ARMC2: variants seen among roughly 807,000 people sequenced by gnomAD.
ARMC2 encodes the protein armadillo repeat containing 2, also known as armadillo repeat-containing protein 2.
ARMC2 carries 67 observed loss-of-function variants against 90.3 expected under a neutral mutation model. That is an observed-to-expected ratio of 0.74 (90% CI 0.61 to 0.91). The LOEUF (loss-of-function observed/expected upper bound fraction) is 0.91. Ranked by LOEUF, ARMC2 falls within the 40% of genes least tolerant of loss-of-function variation. ARMC2 has a pLI of 0.00. For synonymous variants in ARMC2, 393 were observed against 393.0 expected (o/e 1.00, Z 0.00); for missense variants, 920 against 1,030.9 (o/e 0.89, Z 1.47).
intron 10 of ARMC2, among the ~76,000 whole-genome samples, chr6:108,926,901 ATGTACACATTTATT>A (rs1286792831): frequency 4.0e-5 from 6 of 148,316 alleles, no homozygotes; most frequent in African/African-American, 1.5e-4. Context: ...TACAAAAGAC[ATGTACACATTTATT>A]TGAAGCTTTT....
intron 10 of ARMC2, among the ~76,000 whole-genome samples, chr6:108,924,834 G>T (rs1230246339): frequency 2.0e-5 from 3 of 152,178 alleles, no homozygotes; most frequent in African/African-American, 7.2e-5. Context: ...TGTGGAAGGA[G>T]CCCATCCAGG....
the ARMC2 span, among the ~76,000 whole-genome samples, chr6:109,051,831 C>A: frequency 6.6e-6 from 1 of 152,204 alleles, no homozygotes; most frequent in Admixed American, 6.5e-5. Flanking sequence ...TATCTCCTTA[C>A]ATGACAGAAG....
At chr6:108,998,660 TG>T in the ARMC2 span, 2 of 1,613,788 alleles carry the variant, frequency 1.2e-6, no homozygotes, top group Non-Finnish European at 1.7e-6. Flanking sequence ...CACAGCCGAA[TG>T]TGAATGAGGC....
intron 10 of ARMC2, among the ~76,000 whole-genome samples, chr6:108,926,121 A>G (rs940914585): frequency 6.6e-6 from 1 of 152,152 alleles, no homozygotes; most frequent in Non-Finnish European, 1.5e-5. Context: ...CGTGAAGATG[A>G]CTATGGATTG....
intron 3 of ARMC2, among the ~76,000 whole-genome samples, chr6:108,862,043 G>C (rs1486919462): frequency 6.6e-6 from 1 of 152,064 alleles, no homozygotes; most frequent in Non-Finnish European, 1.5e-5. Context: ...TGGGTGCTAT[G>C]TTCACAGTAA....
rs1167801417 is a variant in ARMC2 at position 108,950,976 on chromosome 6, A to G, written c.1597-2057A>G. 2.6e-5 allele frequency among the ~76,000 whole-genome samples: 4 copies of G among 152,278 alleles called. 1 individual carries two copies. The South Asian group carries it at 6.2e-4, about 24-fold the overall frequency. The stretch of plus-strand genomic sequence containing the variant: ...GGCCTGTGCCACTGAGTTTATTGCT[A>G]TTAGTTAGCATTTTATTGATAGGAC... On this transcript the variant is annotated intron_variant, in intron 12 of 17. Transcript: ENST00000392644.
intron 12 of ARMC2, among the ~76,000 whole-genome samples, chr6:108,946,672 TA>T (rs1776831852): frequency 6.6e-6 from 1 of 152,226 alleles, no homozygotes; most frequent in African/African-American, 2.4e-5. Flanking sequence ...ATTTTCTGGT[TA>T]ATAGAGAGTT....
At chr6:109,040,314 A>C in the ARMC2 span, among the ~76,000 whole-genome samples, 1 of 151,114 alleles carries the variant, frequency 6.6e-6, no homozygotes. Flanking sequence ...CAAATTATGC[A>C]GAAAAGTATT....
chr6:108,945,183 G>A (rs747285143), intron 12 of ARMC2, among the ~76,000 whole-genome samples: 20 of 152,034 alleles, frequency 1.3e-4, no homozygotes, highest in Admixed American at 3.9e-4. Context: ...GCTTAATAAC[G>A]AAGGAGGGAG....
At chr6:108,877,426 T>C (rs1011634360) in intron 5 of ARMC2, among the ~76,000 whole-genome samples, 3 of 152,344 alleles carry the variant, frequency 2.0e-5, no homozygotes, top group Non-Finnish European at 4.4e-5. Flanking sequence ...CCTTGTAATG[T>C]CATTTCACAT....
chr6:108,904,982 C>G (rs988357048), intron 8 of ARMC2, among the ~76,000 whole-genome samples: 1 of 152,122 alleles, frequency 6.6e-6, no homozygotes, highest in African/African-American at 2.4e-5. Flanking sequence ...AAAAAAAAGT[C>G]TGTAGAAACT....
At chr6:109,017,635 C>T in the ARMC2 span, among the ~76,000 whole-genome samples, 12 of 151,952 alleles carry the variant, frequency 7.9e-5, no homozygotes, top group South Asian at 2.1e-4. Context: ...TCTCTTAATT[C>T]GAGATTGGGA....
intron 13 of ARMC2, among the ~76,000 whole-genome samples, chr6:108,960,302 G>A (rs540619920): frequency 3.4e-4 from 51 of 152,188 alleles, no homozygotes; most frequent in Non-Finnish European, 6.5e-4. Context: ...GCCATCACCC[G>A]TGTCCACGCT....
the ARMC2 span, among the ~76,000 whole-genome samples, chr6:109,016,909 T>A: frequency 6.6e-6 from 1 of 152,198 alleles, no homozygotes; most frequent in African/African-American, 2.4e-5. Flanking sequence ...TAAAATAGTA[T>A]TTTATTCAGA....
At chr6:109,039,534 T>C in the ARMC2 span, among the ~76,000 whole-genome samples, 1 of 152,246 alleles carries the variant, frequency 6.6e-6, no homozygotes, top group African/African-American at 2.4e-5. Context: ...GTGACTTTTC[T>C]TACTGAGTAC....
At chr6:109,045,865 G>A in the ARMC2 span, among the ~76,000 whole-genome samples, 2 of 152,162 alleles carry the variant, frequency 1.3e-5, no homozygotes, top group Admixed American at 1.3e-4. Flanking sequence ...ACACAGAGTA[G>A]ATAATACATG....
chr6:108,873,482 C>T (rs11153134), intron 4 of ARMC2, among the ~76,000 whole-genome samples: 6,616 of 152,226 alleles, frequency 0.043, 234 homozygotes, highest in Non-Finnish European at 0.071. Context: ...AGGGTGGAAC[C>T]CCTTGTTGTT....
chr6:108,957,923 G>A (rs957998088), intron 13 of ARMC2, among the ~76,000 whole-genome samples: 3 of 152,156 alleles, frequency 2.0e-5, no homozygotes, highest in Admixed American at 6.5e-5. Flanking sequence ...GCAACCCTGA[G>A]TCCTTGGCTT....
rs772147630 is a variant in ARMC2 at position 108,961,679 on chromosome 6, C to G, written c.2023C>G (p.Leu675Val). ...GAATTCCATAATTCAAGACAAAAAG[C>G]TATATATTGCTGAATGTAAGGTTCA... Reference protein sequence around the residue: ...VKNSIIQDKKLYIAELLLKLL... With the variant: ...VKNSIIQDKKVYIAELLLKLL... Residue 675 changes from leucine to valine, a missense_variant, in exon 14 of 18, where the codon CTA (leucine) becomes GTA (valine). Physicochemically the swap from Leu to Val is conservative, Grantham distance 32. Transcript: ENST00000392644. 1.2e-6 allele frequency: 2 copies of G among 1,603,486 alleles called. No individual in the cohort carries two copies. The highest frequency in any genetic ancestry group is 2.2e-5 in the South Asian group (2 of 89,688).
Sources: gnomAD v4.1 joint callset for allele counts (sites outside exome capture counted in the v4.1 genomes callset) on GRCh38, gnomAD v4.1.1 for gene constraint, MANE v1.5 for transcripts, NCBI Gene and HGNC (gene_info 2026-07-23, HGNC 2026-07-21) for gene names.